Variants in MID1 observed in about 807,000 individuals in gnomAD.
MID1 encodes the protein E3 ubiquitin-protein ligase Midline-1.
In MID1, 7 loss-of-function variants were observed where a neutral mutation model predicts 40.4. The observed-to-expected ratio is 0.17, with a 90% CI of 0.10 to 0.33. The LOEUF (loss-of-function observed/expected upper bound fraction) is 0.33, where lower values mean the gene tolerates loss of function less well. Among genes scored for constraint, MID1 ranks in the 10% least tolerant of loss-of-function variants. MID1 has a pLI of 1.00. For missense variants in MID1, 367 were observed against 558.5 expected (o/e 0.66, Z 3.46); for synonymous variants, 229 against 221.2 (o/e 1.04, Z -0.31).
At chrX:10,814,610 C>A (rs1419385174) in intron 1 of MID1, among the ~76,000 whole-genome samples, 1 of 107,916 alleles carries the variant, frequency 9.3e-6, no homozygotes, top group Non-Finnish European at 1.9e-5. Context: ...TGCGTGTGTG[C>A]ATAAGTGTGT....
chrX:10,713,823 A>G (rs770932973), intron 1 of MID1, among the ~76,000 whole-genome samples: 69 of 112,113 alleles, frequency 6.2e-4, no homozygotes, highest in African/African-American at 2.2e-3. Flanking sequence ...TCATGTAGTA[A>G]GTGCCAGGCC....
intron 2 of MID1, among the ~76,000 whole-genome samples, chrX:10,558,564 A>T (rs1244778792): frequency 8.8e-6 from 1 of 113,002 alleles, no homozygotes; most frequent in Non-Finnish European, 1.9e-5. Flanking sequence ...TCTCACATAC[A>T]CATAATACAA....
chrX:10,811,119 A>G (rs1334491572), intron 1 of MID1, among the ~76,000 whole-genome samples: 1 of 111,572 alleles, frequency 9.0e-6, no homozygotes, highest in African/African-American at 3.3e-5. Flanking sequence ...ACTCTAGCTT[A>G]TGACAACAAT....
At chrX:10,576,916 G>T (rs1213634272) in intron 1 of MID1, 1 of 109,079 alleles carries the variant, frequency 9.2e-6, no homozygotes, top group Non-Finnish European at 1.9e-5. Context: ...CTGTGTGTCT[G>T]TGAGTGCGTC....
At chrX:10,536,009 C>T (rs1054633242) in intron 2 of MID1, among the ~76,000 whole-genome samples, 1 of 109,806 alleles carries the variant, frequency 9.1e-6, no homozygotes, top group Non-Finnish European at 1.9e-5. Context: ...CACTTGAATC[C>T]AGGAGTTTGA....
chrX:10,491,274 TG>T (rs770504815), intron 4 of MID1, among the ~76,000 whole-genome samples: 1 of 112,571 alleles, frequency 8.9e-6, no homozygotes, highest in East Asian at 2.8e-4. Context: ...AGTTGTTCTT[TG>T]CTGACAGCTG....
intron 1 of MID1, among the ~76,000 whole-genome samples, chrX:10,721,579 T>C (rs938620978): frequency 5.4e-5 from 6 of 111,165 alleles, no homozygotes; most frequent in African/African-American, 2.0e-4. Context: ...ATGGTCATTC[T>C]GTGCCGAAAA....
At chrX:10,539,044 A>T (rs2147403685) in intron 2 of MID1, among the ~76,000 whole-genome samples, 1 of 112,601 alleles carries the variant, frequency 8.9e-6, no homozygotes, top group East Asian at 2.8e-4. Context: ...CCAAGGAGCT[A>T]TCTGCTTCAC....
chrX:10,505,893 G>A (rs1027151720), intron 3 of MID1: 84 of 752,534 alleles, frequency 1.1e-4, no homozygotes, highest in Non-Finnish European at 1.2e-4. Context: ...TTGGGTTTCA[G>A]TTACTCAGGT....
chrX:10,735,105 A>G (rs1203505341), intron 1 of MID1, among the ~76,000 whole-genome samples: 1 of 111,132 alleles, frequency 9.0e-6, no homozygotes, highest in Non-Finnish European at 1.9e-5. Flanking sequence ...AGGGATTTTT[A>G]TTTTTTTATT....
At chrX:10,761,735 G>C (rs2043679554) in intron 1 of MID1, among the ~76,000 whole-genome samples, 1 of 112,070 alleles carries the variant, frequency 8.9e-6, no homozygotes, top group Non-Finnish European at 1.9e-5. Flanking sequence ...ACACCCAGTT[G>C]ATTGGTAGAC....
chrX:10,810,273 C>A (rs2044087942), intron 1 of MID1, among the ~76,000 whole-genome samples: 1 of 112,220 alleles, frequency 8.9e-6, no homozygotes, highest in African/African-American at 3.2e-5. Flanking sequence ...AGTATTTGTC[C>A]TTTTCTGCCT....
At chrX:10,602,686 A>G (rs1270040814) in intron 1 of MID1, among the ~76,000 whole-genome samples, 1 of 112,560 alleles carries the variant, frequency 8.9e-6, no homozygotes, top group Non-Finnish European at 1.9e-5. Context: ...AATCATTGAA[A>G]AAGTAATTAT....
Position 10,698,540 on chromosome X carries a change from G to A in MID1, c.-186-78121C>T, listed in dbSNP as rs911752259. ...GAATGTTGTACTAAAGGTGATTCAG[G>A]AAGGGTAATGGAGCACCATTTTATA... On this transcript the variant is annotated intron_variant, in intron 1 of 10. Coordinates refer to the MID1 transcript ENST00000380785. Among the ~76,000 whole-genome samples, 3 of 110,405 alleles carry A rather than the reference G, an allele frequency of 2.7e-5. No individual in the cohort carries two copies. In the Admixed American group the frequency reaches 2.9e-4, roughly 11 times the overall value.
intron 1 of MID1, among the ~76,000 whole-genome samples, chrX:10,750,294 T>C (rs1386315658): frequency 1.8e-5 from 2 of 111,472 alleles, no homozygotes; most frequent in African/African-American, 6.5e-5. Context: ...CAGAAGGAGA[T>C]GAGTCGTGGA....
upstream of MID1, among the ~76,000 whole-genome samples, chrX:10,624,185 A>G (rs2147550675): frequency 8.9e-6 from 1 of 112,378 alleles, no homozygotes; most frequent in East Asian, 2.8e-4. Context: ...TAACTGGCTA[A>G]TAGACCTCAG....
At chrX:10,602,058 C>T (rs929969104) in intron 1 of MID1, among the ~76,000 whole-genome samples, 3 of 107,860 alleles carry the variant, frequency 2.8e-5, no homozygotes, top group Admixed American at 9.9e-5. Context: ...CCACCATGCC[C>T]GGCTAATTTT....
intron 4 of MID1, among the ~76,000 whole-genome samples, chrX:10,492,052 CA>C (rs1278246587): frequency 8.9e-6 from 1 of 111,746 alleles, no homozygotes; most frequent in Non-Finnish European, 1.9e-5. Flanking sequence ...TTTTTCCCTC[CA>C]AAACTGCTAA....
At chrX:10,565,217 T>G (rs1934483864) in intron 2 of MID1, 1 of 329,574 alleles carries the variant, frequency 3.0e-6, no homozygotes, top group Non-Finnish European at 5.9e-6. Context: ...TCCTTGTGCT[T>G]GACTTCCTCT....
Sources: allele counts gnomAD v4.1 joint callset (sites outside exome capture counted in the v4.1 genomes callset), GRCh38; gene constraint gnomAD v4.1.1; transcripts MANE v1.5; gene names NCBI Gene and HGNC (gene_info 2026-07-23, HGNC 2026-07-21).